Variants in XKR4 observed in about 807,000 individuals in gnomAD.
XKR4 encodes the protein XK-related protein 4.
XKR4 carries 12 observed loss-of-function variants against 53.9 expected under a neutral mutation model. The ratio of observed to expected loss-of-function variants is 0.22; its 90% CI spans 0.14 to 0.36. XKR4 has a LOEUF of 0.36. Ranked by LOEUF, XKR4 falls within the 10% of genes least tolerant of loss-of-function variation. The pLI is 1.00. For synonymous variants in XKR4, 354 were observed against 362.4 expected, an observed-to-expected ratio of 0.98 and a Z score of 0.26; for missense variants, 799 against 859.5, an observed-to-expected ratio of 0.93 and a Z score of 0.88.
At chr8:55,370,626 G>C (rs1303928282) in intron 2 of XKR4, among the ~76,000 whole-genome samples, 1 of 152,192 alleles carries the variant, frequency 6.6e-6, no homozygotes, top group East Asian at 1.9e-4. Context: ...AGGAGCAGCA[G>C]CCCCTACATA....
intron 2 of XKR4, among the ~76,000 whole-genome samples, chr8:55,422,728 G>A (rs926822979): frequency 2.0e-5 from 3 of 152,158 alleles, no homozygotes; most frequent in African/African-American, 7.2e-5. Flanking sequence ...TGGAATGATA[G>A]CATCAGAGTT....
intron 2 of XKR4, among the ~76,000 whole-genome samples, chr8:55,385,616 T>C (rs1032104408): frequency 5.9e-5 from 9 of 152,168 alleles, no homozygotes; most frequent in African/African-American, 1.7e-4. Flanking sequence ...AGTAACATCA[T>C]GGAATAGAGT....
intron 2 of XKR4, chr8:55,451,775 C>A: frequency 9.4e-7 from 1 of 1,065,816 alleles, no homozygotes; most frequent in Non-Finnish European, 1.4e-6. Flanking sequence ...CTCAGGGGGC[C>A]CAGGCCAAGG....
chr8:55,328,250 A>G (rs1478368812), intron 1 of XKR4, among the ~76,000 whole-genome samples: 1 of 152,138 alleles, frequency 6.6e-6, no homozygotes, highest in Non-Finnish European at 1.5e-5. Flanking sequence ...TATTGATTGA[A>G]TTTTTCATAT....
intron 2 of XKR4, among the ~76,000 whole-genome samples, chr8:55,367,410 A>T (rs2929011): frequency 0.21 from 31,589 of 152,060 alleles, 4,957 homozygotes; most frequent in African/African-American, 0.45. Flanking sequence ...CTTAGGAGTA[A>T]TATGGTTAAT....
At chr8:55,451,269 C>T (rs1267824733) in intron 2 of XKR4, 5 of 584,416 alleles carry the variant, frequency 8.6e-6, no homozygotes, top group Non-Finnish European at 1.2e-5. Flanking sequence ...CCAGACACTG[C>T]CCCCACTTAC....
chr8:55,442,015 A>G (rs1395670914), intron 2 of XKR4, among the ~76,000 whole-genome samples: 1 of 152,068 alleles, frequency 6.6e-6, no homozygotes, highest in East Asian at 1.9e-4. Context: ...AAACAGAAAT[A>G]AGTAAAATGG....
intron 1 of XKR4, among the ~76,000 whole-genome samples, chr8:55,244,792 G>T (rs893898174): frequency 1.3e-5 from 2 of 151,660 alleles, no homozygotes; most frequent in African/African-American, 4.9e-5. Context: ...TTGTGGTTTT[G>T]ATTTTCATTT....
chr8:55,274,204 T>C (rs1451202154), intron 1 of XKR4, among the ~76,000 whole-genome samples: 3 of 152,228 alleles, frequency 2.0e-5, no homozygotes, highest in Non-Finnish European at 4.4e-5. Flanking sequence ...ACTAGTGCTA[T>C]ATTACTTACT....
intron 1 of XKR4, among the ~76,000 whole-genome samples, chr8:55,251,120 C>T (rs756434154): frequency 2.0e-5 from 3 of 151,980 alleles, no homozygotes; most frequent in Non-Finnish European, 4.4e-5. Flanking sequence ...AGTACAGTTA[C>T]AGGTGTAGTG....
At chr8:55,286,515 C>A (rs1424810484) in intron 1 of XKR4, among the ~76,000 whole-genome samples, 1 of 152,084 alleles carries the variant, frequency 6.6e-6, no homozygotes, top group Non-Finnish European at 1.5e-5. Flanking sequence ...CGGGGGCATG[C>A]ATATTGTTTT....
chr8:55,105,190 TA>T (rs775302955), intron 1 of XKR4, among the ~76,000 whole-genome samples: 1 of 152,200 alleles, frequency 6.6e-6, no homozygotes, highest in African/African-American at 2.4e-5. Context: ...CTATACCTTC[TA>T]AACCAAACAT....
intron 2 of XKR4, among the ~76,000 whole-genome samples, chr8:55,376,543 C>A (rs1461265932): frequency 1.3e-5 from 2 of 152,070 alleles, no homozygotes; most frequent in African/African-American, 2.4e-5. Context: ...AGTGTCTGTT[C>A]ATGTTCTTTG....
intron 1 of XKR4, among the ~76,000 whole-genome samples, chr8:55,123,610 C>T (rs1176804789): frequency 1.3e-5 from 2 of 152,220 alleles, no homozygotes; most frequent in Admixed American, 6.5e-5. Context: ...ATGGGAGTAC[C>T]TTCCATCCCA....
At chr8:55,458,457 G>T (rs143997227) in intron 2 of XKR4, among the ~76,000 whole-genome samples, 10 of 152,194 alleles carry the variant, frequency 6.6e-5, no homozygotes, top group African/African-American at 1.9e-4. Context: ...TTTGCTATCC[G>T]TGGATGGCTT....
intron 2 of XKR4, among the ~76,000 whole-genome samples, chr8:55,392,185 C>G (rs1804453287): frequency 6.6e-6 from 1 of 152,084 alleles, no homozygotes; most frequent in Non-Finnish European, 1.5e-5. Context: ...AAATGACAAC[C>G]CAACTGCAAT....
chr8:55,508,234 C>T (rs563368229), intron 2 of XKR4, among the ~76,000 whole-genome samples: 7 of 152,188 alleles, frequency 4.6e-5, no homozygotes, highest in Admixed American at 1.3e-4. Context: ...GTGTTTTATA[C>T]GGTCTGTCCT....
At position 55,103,128 on chromosome 8, in the gene XKR4, A is replaced by G; in HGVS notation, c.640A>G (p.Arg214Gly). The G allele has an allele frequency of 6.2e-7, 1 of 1,613,746 alleles. No individual in the cohort carries two copies. Among genetic ancestry groups the G allele is most frequent in the Non-Finnish European group, 8.5e-7 (1 of 1,180,024 alleles). The change falls in exon 1 of 3, where the codon AGG (arginine) becomes GGG (glycine). Residue 214 changes from arginine (R) to glycine (G), a missense_variant. Physicochemically the swap from Arg to Gly is moderately radical, Grantham distance 125 (BLOSUM62 -2). Around this residue, in one of 3 missense-constraint regions of XKR4, gnomAD observed 476 missense variants for 505.4 expected, o/e 0.94. Transcript: ENST00000327381. ...EGEARPSTPQ[R>G]QASNASKSNI... ...CGAGGCTCGTCCTTCCACGCCGCAA[A>G]GGCAAGCATCTAACGCCAGCAAGAG...
chr8:55,140,684 C>T lies in XKR4; in HGVS notation c.806+37390C>T, dbSNP rs138445363. On this transcript the variant is annotated intron_variant, in intron 1 of 2. Coordinates refer to ENST00000327381, the MANE Select transcript of XKR4 (RefSeq NM_052898.2). ...TGTATCAGATGTCTGGAGTGTTGCT[C>T]CAGCAGCTCCCAGAGCATGGCCTGA... is the stretch of plus-strand genomic sequence containing the variant. Among the ~76,000 whole-genome samples the T allele has an allele frequency of 7.2e-4, 109 of 152,298 alleles. 2 individuals carry two copies. The East Asian group carries it at 0.02, about 27-fold the overall frequency.
Sources: allele counts gnomAD v4.1 joint callset (sites outside exome capture counted in the v4.1 genomes callset), GRCh38; gene constraint gnomAD v4.1.1; regional missense constraint gnomAD v4.1.1; transcripts MANE v1.5; gene names NCBI Gene and HGNC (gene_info 2026-07-23, HGNC 2026-07-21).